Variants in RTN3 observed in about 807,000 individuals in gnomAD.
RTN3 encodes the protein reticulon 3, also known as reticulon-3.
A neutral mutation model predicts 77.8 loss-of-function variants in RTN3; 49 were observed. That is an observed-to-expected ratio of 0.63 (90% CI 0.50 to 0.80). The LOEUF is 0.80. RTN3 is among the 30% of genes least tolerant of loss of function. RTN3 has a pLI of 0.00. For synonymous variants in RTN3, 464 were observed against 446.9 expected, an observed-to-expected ratio of 1.04 and a Z score of -0.48; for missense variants, 1,236 against 1,211.9, an observed-to-expected ratio of 1.02 and a Z score of -0.29.
Position 63,681,715 on chromosome 11 carries a change from G to T in RTN3, c.79G>T (p.Gly27Cys). Residue 27 changes from glycine to cysteine, a missense_variant, in exon 1 of 9, where the codon GGC (glycine) becomes TGC (cysteine). Around this residue, in one of 3 missense-constraint regions of RTN3, gnomAD observed 1,056 missense variants for 990.4 expected, o/e 1.07. Transcript: ENST00000377819. ...SFGAEPSAPG[G>C]GGSPGACPAL... is the part of the protein sequence containing the mutation. Reference sequence around the variant, plus strand: ...CGGAGCCGAGCCGTCCGCGCCCGGCGGCGGCGGGAGCCCAGGAGCCTGCCC... The same window carrying T: ...CGGAGCCGAGCCGTCCGCGCCCGGCTGCGGCGGGAGCCCAGGAGCCTGCCC... 2 of 1,610,118 alleles carry T rather than the reference G, an allele frequency of 1.2e-6. No individual in the cohort carries two copies. Among genetic ancestry groups the T allele is most frequent in the Middle Eastern group, 1.7e-4 (1 of 6,046 alleles).
intron 2 of RTN3, among the ~76,000 whole-genome samples, chr11:63,713,777 G>A (rs968920311): frequency 2.6e-5 from 4 of 152,190 alleles, no homozygotes; most frequent in Admixed American, 6.5e-5. Flanking sequence ...TTTTGATGGC[G>A]ATTTGTTTTG....
At chr11:63,702,480 A>G (rs2134714453) in intron 1 of RTN3, among the ~76,000 whole-genome samples, 1 of 150,700 alleles carries the variant, frequency 6.6e-6, no homozygotes, top group Middle Eastern at 3.4e-3. Context: ...ACGCCTGGCT[A>G]ATTTTTTGTA....
chr11:63,735,122 T>C (rs1156572037), intron 3 of RTN3, among the ~76,000 whole-genome samples: 1 of 152,082 alleles, frequency 6.6e-6, no homozygotes, highest in African/African-American at 2.4e-5. Context: ...CGCCTCTAGC[T>C]GAGACTGCAA....
At chr11:63,749,799 G>C (rs2014002474) in intron 3 of RTN3, among the ~76,000 whole-genome samples, 192 bp from the exon 4 acceptor site, 1 of 152,134 alleles carries the variant, frequency 6.6e-6, no homozygotes, top group African/African-American at 2.4e-5. Context: ...AAGGCAGGAG[G>C]ATCACTTGAG....
At chr11:63,702,297 GTTTTTTTTGTTTTT>G (rs1942275582) in intron 1 of RTN3, among the ~76,000 whole-genome samples, 1 of 149,452 alleles carries the variant, frequency 6.7e-6, no homozygotes, top group Admixed American at 6.7e-5. Context: ...TTTGGTTTTG[GTTTTTTTTGTTTTT>G]TTGTTTTTTT....
At chr11:63,692,778 T>G (rs1941732461) in intron 1 of RTN3, among the ~76,000 whole-genome samples, 1 of 151,868 alleles carries the variant, frequency 6.6e-6, no homozygotes. Flanking sequence ...AAAAAACACC[T>G]TCAGAAGGAA....
At chr11:63,721,824 A>G (rs754842153) in intron 3 of RTN3, among the ~76,000 whole-genome samples, 3 of 152,144 alleles carry the variant, frequency 2.0e-5, no homozygotes, top group Admixed American at 6.6e-5. Context: ...AAGATAGTAA[A>G]TGAAACTTTT....
In RTN3 at chr11:63,710,351, G is replaced by GT. The variant is rs113719649; in HGVS notation, c.199+5455dup. ...CAGTCTTAGACATTGTAGTTTTTTT[G>GT]TTTTTTTTTTTATCATGTTACTTTA... On this transcript the variant is annotated intron_variant, in intron 2 of 8. Coordinates refer to ENST00000377819, the MANE Select transcript of RTN3 (RefSeq NM_001265589.2). Among the ~76,000 whole-genome samples, 356 of 143,228 alleles carry GT rather than the reference G, an allele frequency of 2.5e-3. 1 individual carries two copies. Among genetic ancestry groups the GT allele is most frequent in the Middle Eastern group, 7.2e-3 (2 of 278 alleles). The allele number at this position is 143,228 out of a possible 152,430, so 94.0% of individuals were successfully genotyped here.
intron 3 of RTN3, among the ~76,000 whole-genome samples, chr11:63,729,842 T>G (rs1004245379): frequency 6.6e-6 from 1 of 151,974 alleles, no homozygotes; most frequent in Non-Finnish European, 1.5e-5. Flanking sequence ...CAGGCTGTAG[T>G]GCAGTGAGTG....
At chr11:63,681,894 T>G (rs937080881) in intron 1 of RTN3, 116 bp downstream of exon 1, 67 of 1,138,304 alleles carry the variant, frequency 5.9e-5, no homozygotes, top group Non-Finnish European at 7.8e-5. Flanking sequence ...ACTGACGGCT[T>G]CAGCCCCCCG....
At chr11:63,721,175 ATTCTT>A in intron 3 of RTN3, 143 bp downstream of exon 3, 1 of 665,010 alleles carries the variant, frequency 1.5e-6, no homozygotes, top group East Asian at 2.9e-5. Context: ...GGAAAGGCAG[ATTCTT>A]CTCCTGTCTT....
intron 3 of RTN3, 138 bp from the exon 4 acceptor site, chr11:63,749,853 C>A: frequency 1.5e-6 from 1 of 670,818 alleles, no homozygotes; most frequent in Non-Finnish European, 2.6e-6. Context: ...GAGACCCCAT[C>A]TCTTTAAAAA....
intron 1 of RTN3, among the ~76,000 whole-genome samples, chr11:63,702,222 T>G (rs1320753371): frequency 6.6e-6 from 1 of 152,124 alleles, no homozygotes; most frequent in Non-Finnish European, 1.5e-5. Flanking sequence ...GGCTTTTTTA[T>G]TCTTTTTTCA....
Position 63,719,250 on chromosome 11 carries a change from G to A in RTN3, c.748G>A (p.Val250Ile), listed in dbSNP as rs1189644914. 1.9e-6 allele frequency: 3 copies of A among 1,614,116 alleles called. No homozygotes were observed. Among genetic ancestry groups the A allele is most frequent in the South Asian group, 2.2e-5 (2 of 91,076 alleles). ...EKDSPESPFE[V>I]IIDKAAFDKE... ...GGATTCCCCTGAATCACCATTTGAAGTAATTATTGACAAAGCAGCATTTGA... is the reference window on the plus strand; with the variant it reads ...GGATTCCCCTGAATCACCATTTGAAATAATTATTGACAAAGCAGCATTTGA... The change falls in exon 3 of 9, where the codon GTA becomes ATA. Residue 250 changes from valine (V) to isoleucine (I), a missense_variant. Around this residue, in one of 3 missense-constraint regions of RTN3, gnomAD observed 1,056 missense variants for 990.4 expected, o/e 1.07. Transcript: ENST00000377819.
chr11:63,686,045 G>A (rs1941352547), intron 1 of RTN3, among the ~76,000 whole-genome samples: 1 of 152,152 alleles, frequency 6.6e-6, no homozygotes, highest in South Asian at 2.1e-4. Context: ...TGAGGTTGAG[G>A]TAAAAGAGAC....
chr11:63,728,309 C>G (rs2012425499), intron 3 of RTN3, among the ~76,000 whole-genome samples: 1 of 152,156 alleles, frequency 6.6e-6, no homozygotes, highest in Non-Finnish European at 1.5e-5. Flanking sequence ...ACCCCAGACC[C>G]CCAGAGCAAA....
intron 3 of RTN3, among the ~76,000 whole-genome samples, chr11:63,749,734 T>C (rs1234999942): frequency 6.6e-6 from 1 of 152,126 alleles, no homozygotes; most frequent in East Asian, 1.9e-4. Flanking sequence ...TTTATAAGAT[T>C]CTCTTAGAAC....
intron 2 of RTN3, among the ~76,000 whole-genome samples, chr11:63,713,797 G>A (rs1022861904): frequency 1.3e-5 from 2 of 152,208 alleles, no homozygotes; most frequent in Non-Finnish European, 2.9e-5. Flanking sequence ...GAGTAGTGTT[G>A]AAAGGCTCTT....
chr11:63,741,882 C>T (rs892529288), intron 3 of RTN3, among the ~76,000 whole-genome samples: 5 of 151,978 alleles, frequency 3.3e-5, no homozygotes, highest in Admixed American at 2.0e-4. Context: ...TATTATCTTT[C>T]GACCAGTACT....
Sources: gnomAD v4.1 joint callset for allele counts (sites outside exome capture counted in the v4.1 genomes callset) on GRCh38, gnomAD v4.1.1 for gene constraint, gnomAD v4.1.1 regional missense constraint, MANE v1.5 for transcripts, NCBI Gene and HGNC (gene_info 2026-07-23, HGNC 2026-07-21) for gene names.